DCTN3: variants seen among roughly 807,000 people sequenced by gnomAD.
The protein encoded by DCTN3 is dynactin 3 (p22).
Under a neutral mutation model 28.4 loss-of-function variants are expected in DCTN3, and 25 were observed. The ratio of observed to expected loss-of-function variants is 0.88; its 90% CI spans 0.64 to 1.23. The LOEUF is 1.23. Among genes scored for constraint, DCTN3 ranks in the 50% most tolerant of loss-of-function variants. The probability of loss-of-function intolerance (pLI) is 0.00; values close to 1 mark genes in which losing one functional copy is unlikely to be tolerated. For missense variants in DCTN3, 229 were observed against 232.0 expected, an observed-to-expected ratio of 0.99 and a Z score of 0.08; for synonymous variants, 81 against 91.4, an observed-to-expected ratio of 0.89 and a Z score of 0.65.
At chr9:34,619,586 T>C (rs1209983763) in intron 1 of DCTN3, among the ~76,000 whole-genome samples, 6 of 152,024 alleles carry the variant, frequency 3.9e-5, no homozygotes, top group Middle Eastern at 3.4e-3. Flanking sequence ...CCGTAAGAGG[T>C]AGAAGGAAAA....
chr9:34,619,203 C>T (rs1423874975), intron 1 of DCTN3, among the ~76,000 whole-genome samples: 1 of 152,142 alleles, frequency 6.6e-6, no homozygotes, highest in Non-Finnish European at 1.5e-5. Context: ...ATGGTGCAAT[C>T]ACTGAATTAG....
intron 1 of DCTN3, 103 bp downstream of exon 1, chr9:34,620,260 AAAGGCC>A: frequency 1.0e-6 from 1 of 982,002 alleles, no homozygotes; most frequent in East Asian, 2.4e-5. Context: ...TTGTTATTTC[AAAGGCC>A]GGGCTGCGGA....
In DCTN3 at chr9:34,616,189, G is replaced by A; in HGVS notation, c.269-76C>T. ...CTAATCAGCCCATGTAAGGGCCTGA[G>A]GACCTGGCAAGGGAGATGGCTAGGT... On this transcript the variant is annotated intron_variant, in intron 3 of 6. Coordinates refer to ENST00000259632, the MANE Select transcript of DCTN3 (RefSeq NM_007234.5). The surrounding 1 kb of genome is among the most constrained non-coding windows in gnomAD (Gnocchi z 4.7). The A allele has an allele frequency of 8.6e-7, 1 of 1,159,946 alleles. No homozygotes were observed. Among genetic ancestry groups the A allele is most frequent in the Non-Finnish European group, 1.3e-6 (1 of 782,526 alleles). 71.9% of individuals were successfully genotyped at this position (1,159,946 alleles called of 1,614,324 possible).
chr9:34,615,395 C>T (rs1361628845), intron 4 of DCTN3: 1 of 152,410 alleles, frequency 6.6e-6, no homozygotes, highest in Non-Finnish European at 1.5e-5. Flanking sequence ...CACATACATT[C>T]ATGGACCTGG....
chr9:34,618,101 T>C (rs552140632), intron 2 of DCTN3, 130 bp from the exon 3 acceptor site: 21 of 821,848 alleles, frequency 2.6e-5, no homozygotes, highest in Non-Finnish European at 3.6e-5. Context: ...CAGTGCCACA[T>C]GAGCAGGGCT....
At chr9:34,617,538 T>A (rs554534758) in intron 3 of DCTN3, 23 of 770,322 alleles carry the variant, frequency 3.0e-5, no homozygotes, top group African/African-American at 2.9e-4. Context: ...CTCTGTTCTT[T>A]AATGGCAATG....
At chr9:34,615,298 A>G (rs1187310107) in intron 4 of DCTN3, 1 of 153,556 alleles carries the variant, frequency 6.5e-6, no homozygotes, top group Non-Finnish European at 1.4e-5. Flanking sequence ...GACAGACAAG[A>G]TGGATATCTG....
At position 34,614,959 on chromosome 9, in the gene DCTN3, TA is replaced by T. The variant is rs1820390475; in HGVS notation, c.353-192del. 1.1e-5 allele frequency: 7 copies of T among 630,482 alleles called. No homozygotes were observed. The East Asian group carries it at 2.0e-4, about 18-fold the overall frequency. The allele number at this position is 630,482 out of a possible 1,614,324, so 39.1% of individuals were successfully genotyped here. On this transcript the variant is annotated intron_variant, in intron 4 of 6. Transcript: ENST00000259632. ...CACTCCAGTCTTACTCCAGGACCCA[TA>T]GGGGAGGGGAAGATACATGTCCCGA...
Position 34,614,296 on chromosome 9 carries a change from C to T in DCTN3, c.412-195G>A, listed in dbSNP as rs558111189. 76 of 1,321,602 alleles carry T rather than the reference C, an allele frequency of 5.8e-5. 2 individuals carry two copies. Among genetic ancestry groups the T allele is most frequent in the South Asian group, 3.2e-4 (22 of 68,738 alleles). The allele number at this position is 1,321,602 out of a possible 1,614,324, so 81.9% of individuals were successfully genotyped here. Reference sequence around the variant, plus strand: ...GGGTGCCCTAACAGCAGTCCAAAGACGGATGGAAAAGGGAGTGGCCATACA... The same window carrying T: ...GGGTGCCCTAACAGCAGTCCAAAGATGGATGGAAAAGGGAGTGGCCATACA... On this transcript the variant is annotated intron_variant, in intron 5 of 6. Transcript: ENST00000259632.
At chr9:34,618,333 C>G (rs921128748) in intron 2 of DCTN3, among the ~76,000 whole-genome samples, 3 of 152,114 alleles carry the variant, frequency 2.0e-5, no homozygotes, top group African/African-American at 7.2e-5. Context: ...AAGCAGGTTA[C>G]TAGTTCTGAC....
chr9:34,616,369 C>T lies in DCTN3; in HGVS notation c.269-256G>A. 1 of 350,814 alleles carries T rather than the reference C, an allele frequency of 2.9e-6. No individual in the cohort carries two copies. Among genetic ancestry groups the T allele is most frequent in the South Asian group, 4.0e-5 (1 of 24,802 alleles). The allele number at this position is 350,814 out of a possible 1,614,324, so 21.7% of individuals were successfully genotyped here. ...AATCCCACCTTTCTCCAAGGTTTAA[C>T]TTCAAGACCTCTTCTTCTAGCCTCC... On this transcript the variant is annotated intron_variant, in intron 3 of 6. Transcript: ENST00000259632. This position sits in a 1 kb window ranked among gnomAD's most constrained non-coding sequence, Gnocchi z 4.7.
intron 4 of DCTN3, 108 bp from the exon 5 acceptor site, chr9:34,614,876 A>C: frequency 7.4e-7 from 1 of 1,352,928 alleles, no homozygotes; most frequent in South Asian, 1.2e-5. Flanking sequence ...GGAGAAGCTA[A>C]ACAAACGCCA....
intron 5 of DCTN3, chr9:34,614,428 A>C (rs1820375360): frequency 9.7e-6 from 6 of 619,634 alleles, no homozygotes; most frequent in Non-Finnish European, 1.7e-5. Context: ...GAGCCCCTCT[A>C]CCCACAGTCA....
At chr9:34,618,814 GA>G in intron 1 of DCTN3, 54 bp from the exon 2 acceptor site, 1 of 1,446,688 alleles carries the variant, frequency 6.9e-7, no homozygotes, top group Non-Finnish European at 9.7e-7. Flanking sequence ...TCAAGGCTTG[GA>G]AAAGTTAAAG....
At position 34,618,892 on chromosome 9, in the gene DCTN3, A is replaced by G. The variant is rs1820486928; in HGVS notation, c.97-132T>C. ...TCTAGGTTGGCCTCCCTTCTCTAAT[A>G]TTAAAGGAGATGCAGCCCCACCTTC... On this transcript the variant is annotated intron_variant, in intron 1 of 6. Coordinates refer to ENST00000259632, the MANE Select transcript of DCTN3 (RefSeq NM_007234.5). The G allele has an allele frequency of 1.0e-5, 7 of 686,166 alleles. No individual in the cohort carries two copies. In the East Asian group the frequency reaches 1.6e-4, roughly 16 times the overall value. The allele number at this position is 686,166 out of a possible 1,614,324, so 42.5% of individuals were successfully genotyped here.
intron 4 of DCTN3, 64 bp downstream of exon 4, chr9:34,615,966 T>C: frequency 7.4e-7 from 1 of 1,347,494 alleles, no homozygotes; most frequent in Non-Finnish European, 1.1e-6. Flanking sequence ...CACAGGAAAG[T>C]CTTGCCCATC....
rs560735364 is a variant in DCTN3 at position 34,616,954 on chromosome 9, A to G, written c.269-841T>C. Among the ~76,000 whole-genome samples the G allele has an allele frequency of 5.3e-4, 80 of 152,290 alleles. No individual in the cohort carries two copies. Among genetic ancestry groups the G allele is most frequent in the South Asian group, 1.5e-3 (7 of 4,826 alleles). ...GAGACTGAACCACATGCAGGAAGGG[A>G]AAGATTAGGGTCAAGAGTATGATTT... On this transcript the variant is annotated intron_variant, in intron 3 of 6. Transcript: ENST00000259632. This position sits in a 1 kb window ranked among gnomAD's most constrained non-coding sequence, Gnocchi z 4.7.
At chr9:34,617,503 A>G (rs1029305189) in intron 3 of DCTN3, 1 of 518,032 alleles carries the variant, frequency 1.9e-6, no homozygotes, top group African/African-American at 2.0e-5. Context: ...TGAAAGAAAG[A>G]TGTTGAAACT....
intron 2 of DCTN3, among the ~76,000 whole-genome samples, 160 bp downstream of exon 2, chr9:34,618,516 A>G (rs533820239): frequency 7.2e-4 from 110 of 152,338 alleles, no homozygotes; most frequent in African/African-American, 2.2e-3. Flanking sequence ...AAAGCACACC[A>G]CAATTTACCA....
Sources: gnomAD v4.1 joint callset for allele counts (sites outside exome capture counted in the v4.1 genomes callset) on GRCh38, gnomAD v4.1.1 for gene constraint, Gnocchi (gnomAD v3.1) non-coding constraint, MANE v1.5 for transcripts, NCBI Gene and HGNC (gene_info 2026-07-23, HGNC 2026-07-21) for gene names.